The following ASTN2 variants were observed in gnomAD, a reference collection of about 807,000 sequenced individuals.
ASTN2 encodes astrotactin-2.
A neutral mutation model predicts 139.8 loss-of-function variants in ASTN2; 54 were observed. The observed-to-expected ratio is 0.39, with a 90% CI of 0.31 to 0.48. The LOEUF is 0.48. Among genes scored for constraint, ASTN2 ranks in the 20% least tolerant of loss-of-function variants. ASTN2 has a pLI of 0.95. For missense variants in ASTN2, 1,565 were observed against 1,725.1 expected (o/e 0.91, Z 1.64); for synonymous variants, 756 against 719.5 (o/e 1.05, Z -0.81).
chr9:117,093,495 C>T (rs1828757904), intron 5 of ASTN2, among the ~76,000 whole-genome samples: 1 of 152,172 alleles, frequency 6.6e-6, no homozygotes, highest in South Asian at 2.1e-4. Flanking sequence ...AGAATCCATG[C>T]TTTTAGTACT....
intron 10 of ASTN2, among the ~76,000 whole-genome samples, chr9:116,884,663 C>G (rs964776652): frequency 2.6e-5 from 4 of 151,948 alleles, no homozygotes; most frequent in Non-Finnish European, 5.9e-5. Flanking sequence ...CAGAGCAAAA[C>G]TCCATCTCAA....
At chr9:117,179,796 C>A (rs1175765358) in intron 3 of ASTN2, among the ~76,000 whole-genome samples, 1 of 152,190 alleles carries the variant, frequency 6.6e-6, no homozygotes, top group Non-Finnish European at 1.5e-5. Flanking sequence ...GACCCCACTG[C>A]AGATCTGTCA....
intron 7 of ASTN2, among the ~76,000 whole-genome samples, chr9:117,004,795 T>C (rs571299928): frequency 2.5e-4 from 38 of 152,288 alleles, no homozygotes; most frequent in African/African-American, 8.9e-4. Flanking sequence ...AGCAGAAGAC[T>C]GAAAGTAAGG....
intron 16 of ASTN2, among the ~76,000 whole-genome samples, chr9:116,681,660 C>T (rs1486058996): frequency 1.3e-5 from 2 of 152,228 alleles, no homozygotes; most frequent in South Asian, 4.1e-4. Flanking sequence ...CAGCATGGTA[C>T]TGGTACCAAA....
At chr9:117,299,852 G>A (rs1445137251) in intron 1 of ASTN2, among the ~76,000 whole-genome samples, 1 of 152,206 alleles carries the variant, frequency 6.6e-6, no homozygotes, top group Non-Finnish European at 1.5e-5. Flanking sequence ...GCCTGGGTTA[G>A]TGAAGAGAAT....
At chr9:116,609,992 T>A (rs1855450293) in intron 19 of ASTN2, among the ~76,000 whole-genome samples, 1 of 151,888 alleles carries the variant, frequency 6.6e-6, no homozygotes, top group Admixed American at 6.6e-5. Flanking sequence ...AAAGGAGATA[T>A]AATGGAATCA....
intron 19 of ASTN2, among the ~76,000 whole-genome samples, chr9:116,528,216 G>T (rs1243598333): frequency 6.6e-6 from 1 of 152,170 alleles, no homozygotes; most frequent in African/African-American, 2.4e-5. Flanking sequence ...AGGTTGAGGT[G>T]GTCTCAGATG....
At chr9:117,147,438 A>AACACAC (rs35703147) in intron 3 of ASTN2, among the ~76,000 whole-genome samples, 119 of 148,368 alleles carry the variant, frequency 8.0e-4, no homozygotes, top group African/African-American at 2.3e-3. Flanking sequence ...TCTGACTCAA[A>AACACAC]ACACACACAC....
At chr9:117,319,038 A>G (rs1419496929) in intron 1 of ASTN2, among the ~76,000 whole-genome samples, 1 of 152,148 alleles carries the variant, frequency 6.6e-6, no homozygotes, top group East Asian at 1.9e-4. Flanking sequence ...TCCTGGGAAA[A>G]ATTCCTTCTC....
chr9:117,005,943 G>A (rs1014547741), intron 7 of ASTN2, among the ~76,000 whole-genome samples: 1 of 152,050 alleles, frequency 6.6e-6, no homozygotes, highest in African/African-American at 2.4e-5. Flanking sequence ...TGGATGTTGG[G>A]GAGAACACAA....
intron 11 of ASTN2, among the ~76,000 whole-genome samples, chr9:116,831,998 T>C (rs899555309): frequency 1.3e-5 from 2 of 152,210 alleles, no homozygotes; most frequent in African/African-American, 4.8e-5. Flanking sequence ...TTTTGTCAGA[T>C]TTGCATCTGA....
At chr9:116,484,234 T>A (rs1849264626) in intron 20 of ASTN2, among the ~76,000 whole-genome samples, 1 of 152,174 alleles carries the variant, frequency 6.6e-6, no homozygotes, top group South Asian at 2.1e-4. Context: ...TATATGCCAA[T>A]AATTCAGGTA....
At chr9:117,052,524 T>C (rs1366451926) in intron 5 of ASTN2, among the ~76,000 whole-genome samples, 2 of 151,934 alleles carry the variant, frequency 1.3e-5, no homozygotes, top group Admixed American at 1.3e-4. Flanking sequence ...GTAAATTTCA[T>C]CGTCATCATC....
intron 1 of ASTN2, among the ~76,000 whole-genome samples, chr9:117,393,407 G>C (rs559782014): frequency 2.0e-5 from 3 of 151,870 alleles, no homozygotes; most frequent in Non-Finnish European, 4.4e-5. Flanking sequence ...GGAGAAAAGA[G>C]ACATTAAAAG....
intron 11 of ASTN2, among the ~76,000 whole-genome samples, chr9:116,836,264 A>G (rs980694236): frequency 6.6e-6 from 1 of 151,954 alleles, no homozygotes; most frequent in African/African-American, 2.4e-5. Flanking sequence ...CTGGCTTTCT[A>G]CTAGTTCTTC....
intron 5 of ASTN2, among the ~76,000 whole-genome samples, chr9:117,089,495 CTTTTA>C (rs753310411): frequency 2.6e-4 from 37 of 144,542 alleles, no homozygotes; most frequent in Non-Finnish European, 4.7e-4. Context: ...CAAATAGACT[CTTTTA>C]TTTATTTTTT....
At chr9:117,193,894 G>C (rs544676744) in intron 3 of ASTN2, among the ~76,000 whole-genome samples, 12 of 152,236 alleles carry the variant, frequency 7.9e-5, no homozygotes, top group Middle Eastern at 3.4e-3. Context: ...CTGGCATCTG[G>C]GGCCTCAGAA....
intron 6 of ASTN2, among the ~76,000 whole-genome samples, chr9:117,025,420 C>T (rs1360381702): frequency 6.6e-6 from 1 of 152,188 alleles, no homozygotes; most frequent in Non-Finnish European, 1.5e-5. Context: ...GTGACACCAG[C>T]TCCCATCACC....
chr9:116,768,165 T>C (rs568278700), intron 13 of ASTN2, among the ~76,000 whole-genome samples: 77 of 152,366 alleles, frequency 5.1e-4, no homozygotes, highest in African/African-American at 1.8e-3. Context: ...TGTTAAATTC[T>C]TCTTTGAAAA....
Sources: gnomAD v4.1 joint callset for allele counts (sites outside exome capture counted in the v4.1 genomes callset) on GRCh38, gnomAD v4.1.1 for gene constraint, MANE v1.5 for transcripts, NCBI Gene and HGNC (gene_info 2026-07-23, HGNC 2026-07-21) for gene names.